The following ROCK1 variants were observed in gnomAD, a reference collection of about 807,000 sequenced individuals.
The protein encoded by ROCK1 is Rho associated coiled-coil containing protein kinase 1, also known as rho-associated protein kinase 1.
Under a neutral mutation model 196.8 loss-of-function variants are expected in ROCK1, and 36 were observed. The observed-to-expected ratio is 0.18, with a 90% confidence interval of 0.14 to 0.24. The LOEUF (loss-of-function observed/expected upper bound fraction) is 0.24, where lower values mean the gene tolerates loss of function less well. Among genes scored for constraint, ROCK1 ranks in the 10% least tolerant of loss-of-function variants. The pLI, the probability that ROCK1 is intolerant of heterozygous loss-of-function variation, is 1.00. For missense variants in ROCK1, 920 were observed against 1,562.0 expected (o/e 0.59, Z 6.93); for synonymous variants, 443 against 515.9 (o/e 0.86, Z 1.91).
At chr18:21,007,586 A>G (rs148832283) in intron 14 of ROCK1, among the ~76,000 whole-genome samples, 1 of 152,294 alleles carries the variant, frequency 6.6e-6, no homozygotes, top group African/African-American at 2.4e-5. Context: ...ATGGAAGTGA[A>G]ATTACTGCAT....
intron 1 of ROCK1, among the ~76,000 whole-genome samples, chr18:21,095,331 T>A (rs575855910): frequency 6.6e-6 from 1 of 151,980 alleles, no homozygotes; most frequent in Non-Finnish European, 1.5e-5. Context: ...AAACTACCCA[T>A]AGAATCCAGC....
intron 13 of ROCK1, among the ~76,000 whole-genome samples, chr18:21,010,087 CT>C (rs1248265156): frequency 1.2e-4 from 19 of 152,132 alleles, no homozygotes; most frequent in Admixed American, 1.2e-3. Flanking sequence ...TGTGTCCTCT[CT>C]TTTTCCTTTA....
intron 25 of ROCK1, 31 bp downstream of exon 25, chr18:20,968,741 A>C: frequency 3.9e-6 from 5 of 1,289,994 alleles, no homozygotes; most frequent in Non-Finnish European, 5.6e-6. Context: ...CTCAAAAATG[A>C]ACATGTGGAA....
At chr18:20,959,314 T>C (rs1448870032) in intron 29 of ROCK1, among the ~76,000 whole-genome samples, 1 of 142,932 alleles carries the variant, frequency 7.0e-6, no homozygotes, top group Non-Finnish European at 1.5e-5. Flanking sequence ...CAGGTTCAAG[T>C]GATTCTCCTG....
At chr18:21,055,448 C>T (rs985551945) in intron 2 of ROCK1, among the ~76,000 whole-genome samples, 1 of 152,134 alleles carries the variant, frequency 6.6e-6, no homozygotes, top group Admixed American at 6.6e-5. Flanking sequence ...ACGAAACAAT[C>T]AGAAGAAAAC....
intron 1 of ROCK1, among the ~76,000 whole-genome samples, chr18:21,089,053 T>A (rs2036549287): frequency 6.8e-6 from 1 of 146,172 alleles, no homozygotes; most frequent in Non-Finnish European, 1.5e-5. Flanking sequence ...TTATTAAAAC[T>A]TTTTTTTTTT....
intron 19 of ROCK1, among the ~76,000 whole-genome samples, chr18:20,985,709 GAAT>G (rs1290292568): frequency 6.6e-6 from 1 of 152,082 alleles, no homozygotes; most frequent in African/African-American, 2.4e-5. Flanking sequence ...TTAAATGACT[GAAT>G]ATTATCTTTC....
intron 1 of ROCK1, among the ~76,000 whole-genome samples, chr18:21,072,206 A>G (rs1051136860): frequency 6.6e-6 from 1 of 152,254 alleles, no homozygotes; most frequent in Non-Finnish European, 1.5e-5. Flanking sequence ...ATGAAAAATG[A>G]GCTGCCTCCA....
intron 9 of ROCK1, among the ~76,000 whole-genome samples, chr18:21,037,947 T>A (rs1319841407): frequency 3.3e-5 from 5 of 152,174 alleles, no homozygotes; most frequent in Non-Finnish European, 5.9e-5. Flanking sequence ...AGGAAAAATA[T>A]CCTTGTTACT....
chr18:21,034,103 G>A (rs1454024471), intron 9 of ROCK1, among the ~76,000 whole-genome samples: 1 of 151,078 alleles, frequency 6.6e-6, no homozygotes, highest in Admixed American at 6.6e-5. Context: ...CCAAGGAGGT[G>A]TAAGGCTTAT....
rs570009243 is a variant in ROCK1 at position 20,965,444 on chromosome 18, T to C, written c.3352+1473A>G. 1.2e-3 allele frequency among the ~76,000 whole-genome samples: 181 copies of C among 145,314 alleles called. 1 individual carries two copies. The highest frequency in any genetic ancestry group is 4.4e-3 in the African/African-American group (167 of 37,672). On this transcript the variant is annotated intron_variant, in intron 27 of 32. Coordinates refer to ENST00000399799, the MANE Select transcript of ROCK1 (RefSeq NM_005406.3). Reference sequence around the variant, plus strand: ...ACATACATACATACATACATACATATATACATAGAGTAAGAATGTATACAT... The same window carrying C: ...ACATACATACATACATACATACATACATACATAGAGTAAGAATGTATACAT...
intron 13 of ROCK1, among the ~76,000 whole-genome samples, chr18:21,014,065 CAAA>C (rs56355855): frequency 7.2e-5 from 5 of 69,844 alleles, no homozygotes; most frequent in Middle Eastern, 8.5e-3. Context: ...GACTCTGTCT[CAAA>C]AAAAAAAAAA....
At chr18:21,006,836 G>C (rs769934487) in intron 14 of ROCK1, 46 bp from the exon 15 acceptor site, 1 of 1,250,390 alleles carries the variant, frequency 8.0e-7, no homozygotes, top group Non-Finnish European at 1.1e-6. Flanking sequence ...CATTTTCATA[G>C]GGGAAACATA....
intron 22 of ROCK1, among the ~76,000 whole-genome samples, chr18:20,973,873 C>A (rs1303262425): frequency 3.3e-5 from 5 of 151,158 alleles, no homozygotes; most frequent in Non-Finnish European, 2.9e-5. Flanking sequence ...CGGCTCCTCC[C>A]GGGTTCACGC....
chr18:21,064,804 C>T (rs1368035107), intron 2 of ROCK1, among the ~76,000 whole-genome samples: 3 of 152,192 alleles, frequency 2.0e-5, no homozygotes, highest in African/African-American at 4.8e-5. Flanking sequence ...AAGAACCTTG[C>T]TTTCTATGGC....
At chr18:21,102,958 G>A (rs998403403) in intron 1 of ROCK1, among the ~76,000 whole-genome samples, 4 of 151,974 alleles carry the variant, frequency 2.6e-5, no homozygotes, top group Non-Finnish European at 5.9e-5. Context: ...CAATTAAGAG[G>A]GGCACAGGTT....
intron 8 of ROCK1, 61 bp downstream of exon 8, chr18:21,042,036 A>G: frequency 1.4e-6 from 2 of 1,479,180 alleles, no homozygotes; most frequent in Non-Finnish European, 1.8e-6. Context: ...GGACCTTAAA[A>G]ATGGAGCAGA....
At chr18:20,974,197 AT>A (rs1464922809) in intron 22 of ROCK1, among the ~76,000 whole-genome samples, 4 of 152,156 alleles carry the variant, frequency 2.6e-5, no homozygotes, top group Non-Finnish European at 5.9e-5. Context: ...TTCTCTTCTG[AT>A]TTTTAGGAAG....
intron 22 of ROCK1, among the ~76,000 whole-genome samples, chr18:20,978,045 G>A (rs976122188): frequency 6.6e-5 from 10 of 152,010 alleles, no homozygotes; most frequent in Admixed American, 5.9e-4. Context: ...TGTCAATTTT[G>A]GACCTTAAAT....
Sources: gnomAD v4.1 joint callset for allele counts (sites outside exome capture counted in the v4.1 genomes callset) on GRCh38, gnomAD v4.1.1 for gene constraint, MANE v1.5 for transcripts, NCBI Gene and HGNC (gene_info 2026-07-23, HGNC 2026-07-21) for gene names.